MYT1L: variants seen among roughly 807,000 people sequenced by gnomAD.
The protein encoded by MYT1L is myelin transcription factor 1-like protein.
MYT1L carries 12 observed loss-of-function variants against 126.7 expected under a neutral mutation model. That is an observed-to-expected ratio of 0.09 (90% CI 0.06 to 0.15). MYT1L has a LOEUF of 0.15. Among genes scored for constraint, MYT1L ranks in the 10% least tolerant of loss-of-function variants. The pLI, the probability that MYT1L is intolerant of heterozygous loss-of-function variation, is 1.00. For synonymous variants in MYT1L, 541 were observed against 604.2 expected (o/e 0.90, Z 1.53); for missense variants, 979 against 1,585.2 (o/e 0.62, Z 6.49).
chr2:1,904,797 ATT>A (rs35388568), intron 13 of MYT1L, among the ~76,000 whole-genome samples: 20 of 144,418 alleles, frequency 1.4e-4, no homozygotes, highest in East Asian at 2.1e-4. Flanking sequence ...CGCCTGGCTA[ATT>A]TTTTTTTTTT....
At chr2:2,038,536 G>A (rs1427679203) in intron 4 of MYT1L, among the ~76,000 whole-genome samples, 2 of 152,096 alleles carry the variant, frequency 1.3e-5, no homozygotes, top group South Asian at 2.1e-4. Flanking sequence ...TTGTCTGGAC[G>A]CCATGTTTAT....
chr2:1,923,169 C>T lies in MYT1L; in HGVS notation c.600G>A (p.Leu200=), dbSNP rs2053785217. 1 of 1,614,026 alleles carries T rather than the reference C, an allele frequency of 6.2e-7. No individual in the cohort carries two copies. The highest frequency in any genetic ancestry group is 8.5e-7 in the Non-Finnish European group (1 of 1,179,894). ...CGAGGTTTAACAATGACTTGGCCACCAGTTCATCGTAATTGTCATATTCGT... is the reference window on the plus strand; with the variant it reads ...CGAGGTTTAACAATGACTTGGCCACTAGTTCATCGTAATTGTCATATTCGT... ...NNDEYDNYDE[L]VAKSLLNLGK... Residue 200 remains leucine, a synonymous_variant, in exon 10 of 25, where the codon CTG becomes CTA. Coordinates refer to ENST00000647738, the MANE Select transcript of MYT1L (RefSeq NM_001303052.2).
intron 18 of MYT1L, among the ~76,000 whole-genome samples, chr2:1,877,883 G>A (rs747083706): frequency 4.6e-5 from 7 of 152,056 alleles, no homozygotes; most frequent in Non-Finnish European, 8.8e-5. Context: ...GTCCCCCTCC[G>A]TGGACTAAGC....
At chr2:1,851,570 G>C (rs2043265344) in intron 19 of MYT1L, 71 bp downstream of exon 19, 1 of 1,460,308 alleles carries the variant, frequency 6.8e-7, no homozygotes, top group Admixed American at 1.7e-5. Context: ...CTTGGAGCCT[G>C]ACGTGAGTGA....
intron 18 of MYT1L, among the ~76,000 whole-genome samples, chr2:1,874,094 C>T (rs532110169): frequency 7.9e-5 from 12 of 152,056 alleles, no homozygotes; most frequent in African/African-American, 2.4e-4. Flanking sequence ...CAGGGGTTTG[C>T]GTGCCGGCCT....
chr2:2,236,802 CTTCTTCTTCTTCT>C (rs1488498069), intron 2 of MYT1L, among the ~76,000 whole-genome samples: 481 of 18,244 alleles, frequency 0.026, 6 homozygotes, highest in African/African-American at 0.15. Flanking sequence ...TCTTCTTCTT[CTTCTTCTTCTTCT>C]TTTTTTTTTT....
At chr2:1,805,633 C>T (rs2147951247) in intron 22 of MYT1L, among the ~76,000 whole-genome samples, 1 of 152,262 alleles carries the variant, frequency 6.6e-6, no homozygotes, top group East Asian at 1.9e-4. Flanking sequence ...CACCTGTAAT[C>T]CCAGCACTTT....
intron 4 of MYT1L, among the ~76,000 whole-genome samples, chr2:2,015,100 G>C (rs952830713): frequency 3.3e-5 from 5 of 152,152 alleles, no homozygotes; most frequent in Non-Finnish European, 7.4e-5. Context: ...TAGATACCAG[G>C]TGTCCTGGTG....
At chr2:2,221,019 A>G (rs959893021) in intron 2 of MYT1L, among the ~76,000 whole-genome samples, 1 of 152,262 alleles carries the variant, frequency 6.6e-6, no homozygotes, top group Non-Finnish European at 1.5e-5. Context: ...TAAAACTCCT[A>G]TTAGCAGGGT....
At chr2:1,958,822 T>C (rs2058727511) in intron 8 of MYT1L, among the ~76,000 whole-genome samples, 1 of 151,698 alleles carries the variant, frequency 6.6e-6, no homozygotes, top group Non-Finnish European at 1.5e-5. Context: ...CTTCTAGGAT[T>C]CTCTGGTTTT....
At chr2:1,896,100 C>T (rs1217108621) in intron 14 of MYT1L, among the ~76,000 whole-genome samples, 4 of 152,216 alleles carry the variant, frequency 2.6e-5, no homozygotes, top group Admixed American at 6.5e-5. Context: ...CTCAACATCA[C>T]TAATCACCAG....
intron 2 of MYT1L, among the ~76,000 whole-genome samples, chr2:2,267,627 C>T (rs1216747005): frequency 6.6e-6 from 1 of 152,154 alleles, no homozygotes; most frequent in Admixed American, 6.5e-5. Context: ...CCCTGCAGTT[C>T]ACCGCTTGGT....
In MYT1L at chr2:1,861,115, T is replaced by G. The variant is rs149181807; in HGVS notation, c.2712-9412A>C. On this transcript the variant is annotated intron_variant, in intron 18 of 24. Coordinates refer to ENST00000647738, the MANE Select transcript of MYT1L (RefSeq NM_001303052.2). ...TTTAAATCTGAGGACCCCGAGGCCC[T>G]GAGGAACTGAAAGAGCCATTCTGTG... Among the ~76,000 whole-genome samples, 745 of 152,274 alleles carry G rather than the reference T, an allele frequency of 4.9e-3. 4 individuals carry two copies. The highest frequency in any genetic ancestry group is 0.017 in the African/African-American group (710 of 41,556).
At chr2:2,121,072 T>A (rs976528436) in intron 3 of MYT1L, among the ~76,000 whole-genome samples, 1 of 152,244 alleles carries the variant, frequency 6.6e-6, no homozygotes, top group African/African-American at 2.4e-5. Flanking sequence ...CCCCAGCCCG[T>A]GGATCGAACT....
At chr2:1,851,789 C>T in intron 18 of MYT1L, 86 bp from the exon 19 acceptor site, 1 of 1,282,664 alleles carries the variant, frequency 7.8e-7, no homozygotes, top group Non-Finnish European at 1.1e-6. Context: ...AAAAAGCAAA[C>T]TAACTCTATT....
At position 1,852,335 on chromosome 2, in the gene MYT1L, A is replaced by G. The variant is rs2043381917; in HGVS notation, c.2712-632T>C. 6.6e-6 allele frequency among the ~76,000 whole-genome samples: 1 copy of G among 152,202 alleles called. No homozygotes were observed. Among genetic ancestry groups the G allele is most frequent in the Admixed American group, 6.5e-5 (1 of 15,290 alleles). ...ATAGTTGTTACTCTTGAGCGACATGAAGAACATAAATCAGTTCAGATCCAC... is the reference window on the plus strand; with the variant it reads ...ATAGTTGTTACTCTTGAGCGACATGGAGAACATAAATCAGTTCAGATCCAC... On this transcript the variant is annotated intron_variant, in intron 18 of 24. Transcript: ENST00000647738. This position sits in a 1 kb window ranked among gnomAD's most constrained non-coding sequence, Gnocchi z 4.0.
rs199910655 is a variant in MYT1L, at chr2:2,198,724, GGT to G, written c.-420-25738_-420-25737del. ...AATACAAAAATTAGCCAGGCGTTGTGGTGTGTGCCTGTAATCCCAGCTACTCA... is the reference window on the plus strand; with the variant it reads ...AATACAAAAATTAGCCAGGCGTTGTGGTGTGCCTGTAATCCCAGCTACTCA... On this transcript the variant is annotated intron_variant, in intron 2 of 24. Transcript: ENST00000647738. 9.4e-3 allele frequency among the ~76,000 whole-genome samples: 1,430 copies of G among 152,176 alleles called. 27 individuals are homozygous for G. Among genetic ancestry groups the G allele is most frequent in the African/African-American group, 0.032 (1,347 of 41,514 alleles).
chr2:2,025,256 C>T (rs773008822), intron 4 of MYT1L, among the ~76,000 whole-genome samples: 40 of 152,138 alleles, frequency 2.6e-4, no homozygotes, highest in Non-Finnish European at 4.9e-4. Context: ...CAGCGTGCCC[C>T]GCCTCGGTTT....
chr2:1,963,269 A>G (rs572223180), intron 8 of MYT1L, among the ~76,000 whole-genome samples: 4 of 152,376 alleles, frequency 2.6e-5, no homozygotes, highest in East Asian at 1.9e-4. Context: ...AGGTCTCAAC[A>G]GTGGACTTAA....
Sources: gnomAD v4.1 joint callset for allele counts (sites outside exome capture counted in the v4.1 genomes callset) on GRCh38, gnomAD v4.1.1 for gene constraint, Gnocchi (gnomAD v3.1) non-coding constraint, MANE v1.5 for transcripts, NCBI Gene and HGNC (gene_info 2026-07-23, HGNC 2026-07-21) for gene names.